The following FHIT variants were observed in gnomAD, a reference collection of about 807,000 sequenced individuals.
The protein encoded by FHIT is fragile histidine triad diadenosine triphosphatase, also known as bis(5'-adenosyl)-triphosphatase.
In FHIT, 19 loss-of-function variants were observed where a neutral mutation model predicts 17.9. That is an observed-to-expected ratio of 1.06 (90% CI 0.74 to 1.56). The LOEUF (loss-of-function observed/expected upper bound fraction) is 1.56. Among genes scored for constraint, FHIT ranks in the 40% most tolerant of loss-of-function variants. The pLI, the probability that FHIT is intolerant of heterozygous loss-of-function variation, is 0.00. For synonymous variants in FHIT, 81 were observed against 69.7 expected, an observed-to-expected ratio of 1.16 and a Z score of -0.81; for missense variants, 248 against 189.2, an observed-to-expected ratio of 1.31 and a Z score of -1.82.
chr3:60,234,460 T>C (rs942263964), intron 5 of FHIT, among the ~76,000 whole-genome samples: 1 of 152,228 alleles, frequency 6.6e-6, no homozygotes, highest in East Asian at 1.9e-4. Flanking sequence ...CTTTATTTCA[T>C]TATTCTGATA....
At chr3:60,323,346 A>C (rs1365188820) in intron 5 of FHIT, among the ~76,000 whole-genome samples, 1 of 152,172 alleles carries the variant, frequency 6.6e-6, no homozygotes, top group Non-Finnish European at 1.5e-5. Flanking sequence ...AAAGAAAAAA[A>C]TGAGAATTTT....
chr3:60,633,950 G>A (rs918277237), intron 4 of FHIT, among the ~76,000 whole-genome samples: 33 of 152,320 alleles, frequency 2.2e-4, no homozygotes, highest in African/African-American at 7.9e-4. Context: ...CATAGCATAT[G>A]ATTTCTTCAT....
chr3:60,323,210 C>G (rs546675146), intron 5 of FHIT, among the ~76,000 whole-genome samples: 3 of 152,122 alleles, frequency 2.0e-5, no homozygotes, highest in Non-Finnish European at 4.4e-5. Context: ...TCCCAGGACA[C>G]CACCGGGAAT....
chr3:61,006,707 A>T (rs1241394343), intron 3 of FHIT, among the ~76,000 whole-genome samples: 1 of 152,096 alleles, frequency 6.6e-6, no homozygotes. Context: ...AAACCTTTAC[A>T]AACCCTTAAG....
At chr3:60,481,945 G>T (rs1034655291) in intron 5 of FHIT, among the ~76,000 whole-genome samples, 1 of 152,042 alleles carries the variant, frequency 6.6e-6, no homozygotes, top group Admixed American at 6.6e-5. Flanking sequence ...CACACACAAA[G>T]ACACAAATAG....
chr3:60,188,604 T>G (rs968758974), intron 5 of FHIT, among the ~76,000 whole-genome samples: 8 of 152,162 alleles, frequency 5.3e-5, no homozygotes, highest in Admixed American at 3.9e-4. Flanking sequence ...CATTTCATCC[T>G]TCAAATTTTG....
chr3:59,767,335 C>T (rs546873397), intron 8 of FHIT, among the ~76,000 whole-genome samples: 1 of 152,214 alleles, frequency 6.6e-6, no homozygotes, highest in East Asian at 1.9e-4. Context: ...CCTATCTCTA[C>T]TAAAAATGCA....
intron 5 of FHIT, among the ~76,000 whole-genome samples, chr3:60,337,790 C>A (rs1710314727): frequency 6.6e-6 from 1 of 151,960 alleles, no homozygotes; most frequent in Non-Finnish European, 1.5e-5. Flanking sequence ...TCCATAAAGC[C>A]CAGAGATGGC....
At chr3:60,793,373 G>A (rs1176211060) in intron 4 of FHIT, among the ~76,000 whole-genome samples, 1 of 151,662 alleles carries the variant, frequency 6.6e-6, no homozygotes, top group Non-Finnish European at 1.5e-5. Context: ...CAAGATCTCA[G>A]CTCACTACAA....
chr3:59,766,905 A>G lies in FHIT; in HGVS notation c.349-14584T>C, dbSNP rs1444637458. Reference sequence around the variant, plus strand: ...TAACTCACCCCAGTTCATTGACATTAGAGTAAAGCCTAGTAGCCAATTTAT... The same window carrying G: ...TAACTCACCCCAGTTCATTGACATTGGAGTAAAGCCTAGTAGCCAATTTAT... On this transcript the variant is annotated intron_variant, in intron 8 of 9. Coordinates refer to ENST00000492590, the MANE Select transcript of FHIT (RefSeq NM_002012.4). 3.5e-4 allele frequency among the ~76,000 whole-genome samples: 53 copies of G among 152,204 alleles called. 1 individual carries two copies. The highest frequency in any genetic ancestry group is 3.5e-3 in the Admixed American group (53 of 15,284).
intron 5 of FHIT, among the ~76,000 whole-genome samples, chr3:60,084,984 A>C (rs1250437750): frequency 6.6e-6 from 1 of 152,078 alleles, no homozygotes; most frequent in African/African-American, 2.4e-5. Flanking sequence ...TATATGTTGG[A>C]GGCACTGTCT....
intron 4 of FHIT, among the ~76,000 whole-genome samples, chr3:60,728,739 T>G (rs2041968756): frequency 6.6e-6 from 1 of 150,584 alleles, no homozygotes; most frequent in Non-Finnish European, 1.5e-5. Context: ...ACAATTGGCA[T>G]GCAACAGTTG....
chr3:60,110,326 C>A (rs1005557300), intron 5 of FHIT, among the ~76,000 whole-genome samples: 1 of 152,130 alleles, frequency 6.6e-6, no homozygotes, highest in African/African-American at 2.4e-5. Context: ...ACTCATTTCA[C>A]CATCTTGAAA....
intron 5 of FHIT, among the ~76,000 whole-genome samples, chr3:60,155,902 A>G (rs1700667312): frequency 6.6e-6 from 1 of 152,140 alleles, no homozygotes; most frequent in Non-Finnish European, 1.5e-5. Context: ...CCCCAGTGTT[A>G]CTTATTGCCA....
At chr3:60,664,159 G>C (rs1390784706) in intron 4 of FHIT, among the ~76,000 whole-genome samples, 1 of 151,848 alleles carries the variant, frequency 6.6e-6, no homozygotes, top group African/African-American at 2.4e-5. Flanking sequence ...AATAGATGTT[G>C]GATTTTGTCA....
chr3:60,171,830 C>A (rs1280691724), intron 5 of FHIT, among the ~76,000 whole-genome samples: 1 of 151,674 alleles, frequency 6.6e-6, no homozygotes, highest in Non-Finnish European at 1.5e-5. Context: ...CTCAGCCTCC[C>A]AAATAGTTAG....
At position 59,871,569 on chromosome 3, in the gene FHIT, A is replaced by G. The variant is rs184970305; in HGVS notation, c.348+50777T>C. ...GCTCACATAATAAGTTTTACAGGCT[A>G]GCAGGAATAACACCAAAGTTTCATT... On this transcript the variant is annotated intron_variant, in intron 8 of 9. Coordinates refer to ENST00000492590, the MANE Select transcript of FHIT (RefSeq NM_002012.4). Among the ~76,000 whole-genome samples the G allele has an allele frequency of 3.8e-3, 585 of 152,292 alleles. 1 individual carries two copies. Among genetic ancestry groups the G allele is most frequent in the Non-Finnish European group, 6.2e-3 (421 of 68,020 alleles).
intron 5 of FHIT, among the ~76,000 whole-genome samples, chr3:60,122,294 G>A (rs1249234073): frequency 6.6e-6 from 1 of 152,148 alleles, no homozygotes; most frequent in Non-Finnish European, 1.5e-5. Flanking sequence ...AAGATCCTAT[G>A]ATACGTGTTG....
At chr3:61,041,368 T>C (rs2033506167) in intron 3 of FHIT, among the ~76,000 whole-genome samples, 1 of 149,188 alleles carries the variant, frequency 6.7e-6, no homozygotes, top group South Asian at 2.2e-4. Flanking sequence ...AGAGCCTGGC[T>C]CCATCTAAAA....
Sources: allele counts gnomAD v4.1 joint callset (sites outside exome capture counted in the v4.1 genomes callset), GRCh38; gene constraint gnomAD v4.1.1; transcripts MANE v1.5; gene names NCBI Gene and HGNC (gene_info 2026-07-23, HGNC 2026-07-21).